The following LRGUK variants were observed in gnomAD, a reference collection of about 807,000 sequenced individuals.
LRGUK encodes the protein leucine-rich repeat and guanylate kinase domain-containing protein.
A neutral mutation model predicts 76.0 loss-of-function variants in LRGUK; 65 were observed. The observed-to-expected ratio is 0.85, with a 90% CI of 0.70 to 1.05. The LOEUF (loss-of-function observed/expected upper bound fraction) is 1.05. Among genes scored for constraint, LRGUK ranks in the 50% least tolerant of loss-of-function variants. The probability of loss-of-function intolerance (pLI) is 0.00; values close to 1 mark genes in which losing one functional copy is unlikely to be tolerated. For synonymous variants in LRGUK, 268 were observed against 265.6 expected, an observed-to-expected ratio of 1.01 and a Z score of -0.09; for missense variants, 758 against 732.8, an observed-to-expected ratio of 1.03 and a Z score of -0.40.
intron 10 of LRGUK, among the ~76,000 whole-genome samples, chr7:134,179,143 G>GA (rs1187160189): frequency 6.6e-6 from 1 of 152,148 alleles, no homozygotes; most frequent in Non-Finnish European, 1.5e-5. Context: ...AGGAAAACCT[G>GA]AAACAGTCTT....
intron 18 of LRGUK, among the ~76,000 whole-genome samples, chr7:134,250,573 G>A (rs1249200719): frequency 6.6e-6 from 1 of 152,114 alleles, no homozygotes; most frequent in Non-Finnish European, 1.5e-5. Flanking sequence ...CTTTATTTCT[G>A]AGTTTTATTG....
intron 16 of LRGUK, among the ~76,000 whole-genome samples, chr7:134,247,096 G>A (rs1157628580): frequency 6.6e-6 from 1 of 152,144 alleles, no homozygotes; most frequent in East Asian, 1.9e-4. Context: ...TGATATTTGT[G>A]AAATAATGAG....
intron 16 of LRGUK, among the ~76,000 whole-genome samples, chr7:134,222,397 C>T (rs1361693982): frequency 6.6e-6 from 1 of 152,168 alleles, no homozygotes; most frequent in Admixed American, 6.5e-5. Flanking sequence ...AAGCAGCATG[C>T]ACAGGAGTGT....
chr7:134,213,348 G>T (rs17167639), downstream of LRGUK, among the ~76,000 whole-genome samples: 12,837 of 152,112 alleles, frequency 0.084, 959 homozygotes, highest in East Asian at 0.38. Context: ...AGGAAAGAAG[G>T]TTAGGCCTGA....
chr7:134,163,667 G>C lies in LRGUK; in HGVS notation c.939+127G>C, dbSNP rs542347609. The C allele has an allele frequency of 3.2e-5, 25 of 789,886 alleles. No homozygotes were observed. The African/African-American group carries it at 3.7e-4, about 12-fold the overall frequency. 48.9% of individuals were successfully genotyped at this position (789,886 alleles called of 1,614,324 possible). A position where few individuals can be genotyped will look rare whatever the true frequency, so the allele number is the denominator to read the frequency against. ...CATTAAATGTCAGCTTAGAAATATT[G>C]TTCTAGCAAAATTCCTGGAGTAGTT... On this transcript the variant is annotated intron_variant, in intron 7 of 15. Coordinates refer to ENST00000645682, the Ensembl canonical transcript of LRGUK.
chr7:134,215,912 C>T (rs1341268412), intron 15 of LRGUK, among the ~76,000 whole-genome samples: 1 of 152,154 alleles, frequency 6.6e-6, no homozygotes, highest in African/African-American at 2.4e-5. Context: ...GATCAAACCT[C>T]TAATCTTAAA....
intron 15 of LRGUK, among the ~76,000 whole-genome samples, chr7:134,218,205 G>A (rs895383339): frequency 2.0e-5 from 3 of 152,072 alleles, no homozygotes; most frequent in Non-Finnish European, 2.9e-5. Flanking sequence ...TCAAGTGAAC[G>A]CCTGCCTCGG....
chr7:134,201,215 C>A (rs1307903125), intron 14 of LRGUK, among the ~76,000 whole-genome samples: 1 of 152,142 alleles, frequency 6.6e-6, no homozygotes, highest in South Asian at 2.1e-4. Flanking sequence ...CCGTTAATAA[C>A]CTTAACCACA....
At chr7:134,158,636 C>T (rs544698497) in intron 6 of LRGUK, among the ~76,000 whole-genome samples, 2 of 152,234 alleles carry the variant, frequency 1.3e-5, no homozygotes, top group African/African-American at 4.8e-5. Flanking sequence ...CAGTCTTCCA[C>T]TATAGAAAAT....
intron 3 of LRGUK, among the ~76,000 whole-genome samples, chr7:134,142,230 C>T (rs1000442297): frequency 6.6e-6 from 1 of 152,116 alleles, no homozygotes; most frequent in Non-Finnish European, 1.5e-5. Flanking sequence ...AGCATTGTTG[C>T]CATTTTTAGG....
chr7:134,139,298 G>C (rs1797665568), intron 2 of LRGUK, 138 bp from the exon 3 acceptor site: 2 of 600,746 alleles, frequency 3.3e-6, no homozygotes, highest in South Asian at 4.2e-5. Flanking sequence ...TTAGTAGCAG[G>C]CTTCAGATTT....
At chr7:134,200,003 TA>T (rs1233123111) in intron 14 of LRGUK, among the ~76,000 whole-genome samples, 3 of 127,262 alleles carry the variant, frequency 2.4e-5, no homozygotes, top group Non-Finnish European at 5.0e-5. Context: ...TATATATATA[TA>T]TATATATATA....
At chr7:134,167,236 C>G (rs535267225) in intron 7 of LRGUK, among the ~76,000 whole-genome samples, 114 of 152,344 alleles carry the variant, frequency 7.5e-4, no homozygotes, top group African/African-American at 2.7e-3. Flanking sequence ...CAACTGCTCT[C>G]TGGATAGTCT....
At chr7:134,200,551 C>G (rs1800726730) in intron 14 of LRGUK, among the ~76,000 whole-genome samples, 1 of 151,730 alleles carries the variant, frequency 6.6e-6, no homozygotes, top group Non-Finnish European at 1.5e-5. Context: ...CTCAAAAAAA[C>G]TAATAACACT....
chr7:134,149,049 G>C (rs796891679), intron 5 of LRGUK, among the ~76,000 whole-genome samples: 23 of 150,276 alleles, frequency 1.5e-4, no homozygotes, highest in African/African-American at 4.2e-4. Flanking sequence ...AAGAGTTCAT[G>C]ATAAGTTCTT....
intron 16 of LRGUK, among the ~76,000 whole-genome samples, chr7:134,237,477 G>T (rs1054671855): frequency 6.6e-6 from 1 of 151,980 alleles, no homozygotes; most frequent in Admixed American, 6.6e-5. Flanking sequence ...ACCACCCACC[G>T]CATTTTTTAT....
At chr7:134,196,997 A>G in exon 13 of LRGUK, 1 of 1,567,720 alleles carries the variant, frequency 6.4e-7, no homozygotes, top group Non-Finnish European at 8.8e-7. Flanking sequence ...TCCAGGGGAA[A>G]TTCATTCTAA....
intron 5 of LRGUK, among the ~76,000 whole-genome samples, chr7:134,151,752 T>A (rs1798234034): frequency 6.6e-6 from 1 of 152,040 alleles, no homozygotes; most frequent in African/African-American, 2.4e-5. Flanking sequence ...TAAACATAAT[T>A]AACTACATTA....
intron 18 of LRGUK, among the ~76,000 whole-genome samples, chr7:134,251,544 C>T (rs953417338): frequency 4.6e-5 from 7 of 152,138 alleles, no homozygotes; most frequent in Admixed American, 3.3e-4. Flanking sequence ...CAAACTAATA[C>T]GACCTGTATA....
Sources: gnomAD v4.1 joint callset for allele counts (sites outside exome capture counted in the v4.1 genomes callset) on GRCh38, gnomAD v4.1.1 for gene constraint, MANE v1.5 for transcripts, NCBI Gene and HGNC (gene_info 2026-07-23, HGNC 2026-07-21) for gene names.